Variants in TENM2 observed in about 807,000 individuals in gnomAD.
The protein encoded by TENM2 is teneurin-2.
In TENM2, 52 loss-of-function variants were observed where a neutral mutation model predicts 245.2. The ratio of observed to expected loss-of-function variants is 0.21; its 90% CI spans 0.17 to 0.27. The LOEUF (loss-of-function observed/expected upper bound fraction) is 0.27. Among genes scored for constraint, TENM2 ranks in the 10% least tolerant of loss-of-function variants. The probability of loss-of-function intolerance (pLI) is 1.00; values close to 1 mark genes in which losing one functional copy is unlikely to be tolerated. For synonymous variants in TENM2, 1,363 were observed against 1,438.9 expected (o/e 0.95, Z 1.19); for missense variants, 3,046 against 3,666.8 (o/e 0.83, Z 4.37).
chr5:167,986,266 G>A (rs1783239670), intron 4 of TENM2, among the ~76,000 whole-genome samples: 1 of 152,220 alleles, frequency 6.6e-6, no homozygotes, highest in Non-Finnish European at 1.5e-5. Context: ...GTTTTCACAT[G>A]AGGAAAAGTG....
At chr5:167,939,569 T>C (rs1435145555) in intron 3 of TENM2, among the ~76,000 whole-genome samples, 1 of 152,158 alleles carries the variant, frequency 6.6e-6, no homozygotes, top group Non-Finnish European at 1.5e-5. Context: ...AAATAAAGTG[T>C]TTCAATATAT....
At chr5:167,933,904 C>G (rs780403898) in intron 3 of TENM2, among the ~76,000 whole-genome samples, 15 of 152,100 alleles carry the variant, frequency 9.9e-5, no homozygotes, top group Non-Finnish European at 2.1e-4. Context: ...GGTAAAAGTG[C>G]TAACAAAAAA....
intron 3 of TENM2, among the ~76,000 whole-genome samples, chr5:167,940,363 T>C (rs1779078212): frequency 6.6e-6 from 1 of 152,198 alleles, no homozygotes; most frequent in African/African-American, 2.4e-5. Context: ...AAATAGCATC[T>C]TTGCCTTCAA....
intron 2 of TENM2, among the ~76,000 whole-genome samples, chr5:167,633,620 G>A (rs1238472703): frequency 6.6e-6 from 1 of 152,174 alleles, no homozygotes; most frequent in Non-Finnish European, 1.5e-5. Context: ...AAGCAGAACT[G>A]AATTGGTGGA....
chr5:167,435,878 C>A (rs1307277512), intron 2 of TENM2, among the ~76,000 whole-genome samples: 1 of 151,632 alleles, frequency 6.6e-6, no homozygotes, highest in Non-Finnish European at 1.5e-5. Context: ...AAGAGATTAG[C>A]AGCATTTTGC....
rs375894809 is a variant in TENM2 at position 167,590,659 on chromosome 5, C to G, written c.502+215186C>G. 1.7e-3 allele frequency among the ~76,000 whole-genome samples: 254 copies of G among 152,064 alleles called. 12 individuals are homozygous for G. In the South Asian group the frequency reaches 0.051, roughly 30 times the overall value. ...TATGTAGAAAAGCAGAAAAATGGTG[C>G]CATGCCTCAGTAGTATTTTTTTCCT... On this transcript the variant is annotated intron_variant, in intron 2 of 28. Transcript: ENST00000518659.
intron 6 of TENM2, among the ~76,000 whole-genome samples, chr5:168,052,464 A>T (rs2152060094): frequency 6.6e-6 from 1 of 152,198 alleles, no homozygotes; most frequent in Admixed American, 6.5e-5. Context: ...ACACACACAC[A>T]TATACACACA....
intron 7 of TENM2, among the ~76,000 whole-genome samples, chr5:168,075,564 G>A (rs1791395158): frequency 6.6e-6 from 1 of 152,122 alleles, no homozygotes; most frequent in South Asian, 2.1e-4. Flanking sequence ...CCACTGATCT[G>A]CTTTCTGTCA....
the TENM2 span, among the ~76,000 whole-genome samples, chr5:167,215,443 A>T: frequency 1.3e-5 from 2 of 152,190 alleles, no homozygotes; most frequent in South Asian, 4.1e-4. Context: ...AAAGTGAACA[A>T]AAGTAAGAAT....
chr5:167,383,451 A>G (rs530862890), intron 2 of TENM2, among the ~76,000 whole-genome samples: 4 of 152,284 alleles, frequency 2.6e-5, no homozygotes, highest in African/African-American at 9.6e-5. Context: ...CAAGTCCCAC[A>G]GAAGAACTCT....
intron 19 of TENM2, among the ~76,000 whole-genome samples, chr5:168,210,691 G>A (rs146100913): frequency 6.6e-6 from 1 of 150,622 alleles, no homozygotes; most frequent in Non-Finnish European, 1.5e-5. Flanking sequence ...CACCACTAAT[G>A]ATGGCCCCCG....
intron 2 of TENM2, among the ~76,000 whole-genome samples, chr5:167,749,563 G>A (rs11956673): frequency 0.1 from 15,620 of 151,810 alleles, 1,365 homozygotes; most frequent in East Asian, 0.43. Flanking sequence ...GCTTGAAACC[G>A]GAAGGCAGAG....
intron 2 of TENM2, among the ~76,000 whole-genome samples, chr5:167,794,383 A>G (rs6863601): frequency 0.43 from 66,045 of 152,148 alleles, 16,631 homozygotes; most frequent in East Asian, 0.71. Context: ...AAAGGTGATA[A>G]CAGGGTCACG....
intron 2 of TENM2, among the ~76,000 whole-genome samples, chr5:167,720,084 A>T (rs1375538919): frequency 1.3e-5 from 2 of 152,204 alleles, no homozygotes; most frequent in Non-Finnish European, 2.9e-5. Flanking sequence ...TTATAGAATG[A>T]TTCTGAGTAC....
At chr5:167,630,980 C>T (rs1778828788) in intron 2 of TENM2, among the ~76,000 whole-genome samples, 1 of 152,146 alleles carries the variant, frequency 6.6e-6, no homozygotes. Flanking sequence ...GATTGTTCCT[C>T]TATTGTAGGA....
intron 1 of TENM2, among the ~76,000 whole-genome samples, chr5:167,370,833 G>T (rs953962163): frequency 1.3e-5 from 2 of 152,146 alleles, no homozygotes; most frequent in African/African-American, 4.8e-5. Flanking sequence ...AGGGTTCACG[G>T]CTTTCCACTA....
chr5:167,991,365 G>A (rs1490089342), intron 4 of TENM2, among the ~76,000 whole-genome samples: 2 of 152,124 alleles, frequency 1.3e-5, no homozygotes, highest in Non-Finnish European at 1.5e-5. Flanking sequence ...AACATAGGAC[G>A]AACAAGGTAC....
intron 2 of TENM2, among the ~76,000 whole-genome samples, chr5:167,429,968 T>G (rs911054707): frequency 1.3e-5 from 2 of 152,002 alleles, no homozygotes; most frequent in African/African-American, 4.8e-5. Context: ...TGGGAGAAGA[T>G]AGCATGGCCA....
chr5:167,239,721 C>T, the TENM2 span, among the ~76,000 whole-genome samples: 1 of 152,170 alleles, frequency 6.6e-6, no homozygotes. Flanking sequence ...TTGAGAAATA[C>T]ATTTAAAATT....
Sources: allele counts gnomAD v4.1 joint callset (sites outside exome capture counted in the v4.1 genomes callset), GRCh38; gene constraint gnomAD v4.1.1; transcripts MANE v1.5; gene names NCBI Gene and HGNC (gene_info 2026-07-23, HGNC 2026-07-21).